SPPL2A: variants seen among roughly 807,000 people sequenced by gnomAD.
The protein encoded by SPPL2A is signal peptide peptidase-like 2A.
A neutral mutation model predicts 63.8 loss-of-function variants in SPPL2A; 51 were observed. That is an observed-to-expected ratio of 0.80 (90% CI 0.64 to 1.01). SPPL2A has a LOEUF of 1.01. SPPL2A is among the 50% of genes least tolerant of loss of function. SPPL2A has a pLI of 0.00. For synonymous variants in SPPL2A, 188 were observed against 205.8 expected (o/e 0.91, Z 0.74); for missense variants, 553 against 622.7 (o/e 0.89, Z 1.19).
chr15:50,765,244 C>A (rs1288835269), intron 1 of SPPL2A, among the ~76,000 whole-genome samples: 1 of 147,698 alleles, frequency 6.8e-6, no homozygotes, highest in Non-Finnish European at 1.5e-5. Flanking sequence ...GGGCGGGAAC[C>A]GAGTGGGGGG....
chr15:50,744,680 T>A (rs12324457), intron 5 of SPPL2A, among the ~76,000 whole-genome samples: 14,368 of 152,270 alleles, frequency 0.094, 2,299 homozygotes, highest in African/African-American at 0.33. Context: ...TAGTTAATCT[T>A]CATGCTATAG....
intron 6 of SPPL2A, among the ~76,000 whole-genome samples, chr15:50,737,831 G>A (rs978732486): frequency 4.6e-5 from 7 of 152,056 alleles, no homozygotes; most frequent in Non-Finnish European, 7.4e-5. Context: ...CAACACTATA[G>A]GAGGCCGAGG....
At position 50,707,587 on chromosome 15, in the gene SPPL2A, A is replaced by G. The variant is rs1038746224; in HGVS notation, c.*213T>C. The G allele has an allele frequency of 1.9e-6, 1 of 526,932 alleles. No homozygotes were observed. Among genetic ancestry groups the G allele is most frequent in the Non-Finnish European group, 3.4e-6 (1 of 296,680 alleles). 32.6% of individuals were successfully genotyped at this position (526,932 alleles called of 1,614,324 possible). A position where few individuals can be genotyped will look rare whatever the true frequency, so the allele number is the denominator to read the frequency against. ...GTACATCTCGGAAACTACACAGACC[A>G]TATGTTTTATTTAATGTGAAGGCAC... On this transcript the variant is annotated 3_prime_UTR_variant, in exon 15 of 15. Coordinates refer to ENST00000261854, the MANE Select transcript of SPPL2A (RefSeq NM_032802.4).
At chr15:50,739,644 T>C (rs779273277) in intron 6 of SPPL2A, 36 bp downstream of exon 6, 4 of 1,438,656 alleles carry the variant, frequency 2.8e-6, no homozygotes, top group Middle Eastern at 5.0e-4. Flanking sequence ...AAAGAATGTA[T>C]GTTAACAGTA....
At chr15:50,754,106 T>C (rs1419064076) in intron 1 of SPPL2A, among the ~76,000 whole-genome samples, 1 of 152,224 alleles carries the variant, frequency 6.6e-6, no homozygotes, top group African/African-American at 2.4e-5. Context: ...CTTCTTTCTT[T>C]CTTAAAAGAC....
Position 50,702,550 on chromosome 15 carries a change from C to CA in SPPL2A, c.*5249dup, listed in dbSNP as rs1349859063. The CA allele has an allele frequency of 1.6e-4, 24 of 152,186 alleles. No individual in the cohort carries two copies. The highest frequency in any genetic ancestry group is 5.8e-4 in the African/African-American group (24 of 41,558). 9.4% of individuals were successfully genotyped at this position (152,186 alleles called of 1,614,324 possible). A position where few individuals can be genotyped will look rare whatever the true frequency, so the allele number is the denominator to read the frequency against. ...GTTTTAAAAAATGTTTTCATTTGAACAAAATGCAACAGAAGGTATAAAACA... is the reference window on the plus strand; with the variant it reads ...GTTTTAAAAAATGTTTTCATTTGAACAAAAATGCAACAGAAGGTATAAAACA... On this transcript the variant is annotated 3_prime_UTR_variant, in exon 15 of 15. Coordinates refer to ENST00000261854, the MANE Select transcript of SPPL2A (RefSeq NM_032802.4).
intron 1 of SPPL2A, among the ~76,000 whole-genome samples, chr15:50,761,008 G>C (rs1192714714): frequency 6.6e-6 from 1 of 151,874 alleles, no homozygotes; most frequent in Non-Finnish European, 1.5e-5. Context: ...TCATTTGTGT[G>C]TGTGTGTGTG....
chr15:50,757,988 A>AC (rs2062975690), intron 1 of SPPL2A, among the ~76,000 whole-genome samples: 1 of 125,942 alleles, frequency 7.9e-6, no homozygotes, highest in Non-Finnish European at 1.7e-5. Context: ...CGTCTCAATT[A>AC]TAAAAAAAAA....
rs968425462 is a variant in SPPL2A, at chr15:50,705,730, A to C, written c.*2070T>G. On this transcript the variant is annotated 3_prime_UTR_variant, in exon 15 of 15. Transcript: ENST00000261854. ...CTCTATTTGCAATTTATTCAGCAAA[A>C]GCGAACAATTTTTAAAAAGTCTCTA... 4 of 152,258 alleles carry C rather than the reference A, an allele frequency of 2.6e-5. No individual in the cohort carries two copies. Among genetic ancestry groups the C allele is most frequent in the Admixed American group, 2.6e-4 (4 of 15,284 alleles). The allele number at this position is 152,258 out of a possible 1,614,324, so 9.4% of individuals were successfully genotyped here. A position where few individuals can be genotyped will look rare whatever the true frequency, so the allele number is the denominator to read the frequency against.
intron 1 of SPPL2A, among the ~76,000 whole-genome samples, chr15:50,760,032 T>C (rs559417225): frequency 2.0e-5 from 3 of 152,254 alleles, no homozygotes; most frequent in East Asian, 1.9e-4. Context: ...AACCTGAAAG[T>C]TAAAAGGAGG....
At chr15:50,764,913 C>CA (rs34049728) in intron 1 of SPPL2A, among the ~76,000 whole-genome samples, 13,699 of 144,338 alleles carry the variant, frequency 0.095, 2,081 homozygotes, top group African/African-American at 0.33. Context: ...ACCCCCCCTC[C>CA]AAAAAAAAAA....
intron 12 of SPPL2A, among the ~76,000 whole-genome samples, chr15:50,722,739 G>A (rs1402925871): frequency 6.6e-6 from 1 of 152,156 alleles, no homozygotes; most frequent in African/African-American, 2.4e-5. Context: ...ACAGGCATGA[G>A]CCACCAAGCC....
intron 1 of SPPL2A, among the ~76,000 whole-genome samples, chr15:50,753,770 G>C (rs2062929528): frequency 6.6e-6 from 1 of 152,054 alleles, no homozygotes; most frequent in African/African-American, 2.4e-5. Context: ...AAGGGGTACA[G>C]CTAAAGGACA....
At chr15:50,751,704 C>T (rs1357004248) in intron 1 of SPPL2A, among the ~76,000 whole-genome samples, 2 of 152,184 alleles carry the variant, frequency 1.3e-5, no homozygotes, top group Non-Finnish European at 2.9e-5. Flanking sequence ...GGATATTAGC[C>T]TCCATGATGA....
At position 50,707,877 on chromosome 15, in the gene SPPL2A, AG is replaced by A. The variant is rs1384255097; in HGVS notation, c.1489-4del. 1.3e-6 allele frequency: 2 copies of A among 1,557,844 alleles called. No individual in the cohort carries two copies. The highest frequency in any genetic ancestry group is 3.3e-5 in the Admixed American group (2 of 59,718). ...GCACAATCCAAATGGTCCATCATCT[AG>A]GCATAAATAAAAGACGTTAGGAAAT... On this transcript the variant is annotated splice_polypyrimidine_tract_variant and splice_region_variant and intron_variant, in intron 14 of 14. Transcript: ENST00000261854.
rs568994084 is a variant in SPPL2A, at chr15:50,713,794, T to G, written c.1489-5920A>C. Among the ~76,000 whole-genome samples, 3 of 152,150 alleles carry G rather than the reference T, an allele frequency of 2.0e-5. No individual in the cohort carries two copies. In the South Asian group the frequency reaches 6.2e-4, roughly 32 times the overall value. ...ATATCCAGACCAGGAAAATGAAAAT[T>G]TAGTCAATGAGTCGAGAAATAACCA... On this transcript the variant is annotated intron_variant, in intron 14 of 14. Coordinates refer to ENST00000261854, the MANE Select transcript of SPPL2A (RefSeq NM_032802.4).
intron 1 of SPPL2A, among the ~76,000 whole-genome samples, chr15:50,759,688 A>G (rs2062991728): frequency 6.6e-6 from 1 of 151,976 alleles, no homozygotes; most frequent in African/African-American, 2.4e-5. Context: ...GGTTGCAGTG[A>G]GCCGAGATTG....
At chr15:50,722,255 TCAATTGTTAA>T (rs1402688068) in intron 12 of SPPL2A, 54 bp from the exon 13 acceptor site, 11 of 999,994 alleles carry the variant, frequency 1.1e-5, no homozygotes, top group Non-Finnish European at 1.7e-5. Flanking sequence ...CAATGCAAAT[TCAATTGTTAA>T]CAATAGTAAG....
At chr15:50,724,265 T>A (rs1187457638) in intron 12 of SPPL2A, among the ~76,000 whole-genome samples, 2 of 152,086 alleles carry the variant, frequency 1.3e-5, no homozygotes, top group Non-Finnish European at 1.5e-5. Context: ...AGGCAGTTAG[T>A]ACATAGGAAG....
Sources: allele counts gnomAD v4.1 joint callset (sites outside exome capture counted in the v4.1 genomes callset), GRCh38; gene constraint gnomAD v4.1.1; transcripts MANE v1.5; gene names NCBI Gene and HGNC (gene_info 2026-07-23, HGNC 2026-07-21).